The following ZBTB25 variants were observed in gnomAD, a reference collection of about 807,000 sequenced individuals.
ZBTB25 encodes zinc finger and BTB domain-containing protein 25.
Under a neutral mutation model 34.2 loss-of-function variants are expected in ZBTB25, and 20 were observed. That is an observed-to-expected ratio of 0.58 (90% CI 0.41 to 0.85). ZBTB25 has a LOEUF of 0.85. Among genes scored for constraint, ZBTB25 ranks in the 40% least tolerant of loss-of-function variants. The pLI is 0.00. For synonymous variants in ZBTB25, 175 were observed against 186.4 expected (o/e 0.94, Z 0.50); for missense variants, 437 against 521.8 (o/e 0.84, Z 1.58).
chr14:64,502,345 T>G (rs997965219), intron 1 of ZBTB25, among the ~76,000 whole-genome samples: 6 of 152,218 alleles, frequency 3.9e-5, no homozygotes, highest in African/African-American at 1.4e-4. Context: ...CTGTTCCATG[T>G]CATATCCCAT....
rs556550108 is a variant in ZBTB25 at position 64,486,758 on chromosome 14, T to G, written c.*165A>C. On this transcript the variant is annotated 3_prime_UTR_variant, in exon 3 of 3. Transcript: ENST00000608382. Reference sequence around the variant, plus strand: ...ATGTTACATTTTAATAGCCACATATTAATATGTCTTATGAGAAGATCTAAT... The same window carrying G: ...ATGTTACATTTTAATAGCCACATATGAATATGTCTTATGAGAAGATCTAAT... 7.7e-7 allele frequency: 1 copy of G among 1,296,458 alleles called. No individual in the cohort carries two copies. Among genetic ancestry groups the G allele is most frequent in the Admixed American group, 3.7e-5 (1 of 27,344 alleles). 80.3% of individuals were successfully genotyped at this position (1,296,458 alleles called of 1,614,324 possible). A position where few individuals can be genotyped will look rare whatever the true frequency, so the allele number is the denominator to read the frequency against.
At chr14:64,454,566 TAATA>T (rs1390870108) in intron 2 of ZBTB25, among the ~76,000 whole-genome samples, 2 of 151,814 alleles carry the variant, frequency 1.3e-5, no homozygotes, top group African/African-American at 2.4e-5. Flanking sequence ...TTTTTTGGCT[TAATA>T]AATAAGCTGG....
chr14:64,458,230 G>C (rs2078506489), intron 2 of ZBTB25: 1 of 1,612,458 alleles, frequency 6.2e-7, no homozygotes, highest in Admixed American at 1.7e-5. Context: ...ACAATGCCTG[G>C]ACTCCCCACC....
intron 2 of ZBTB25, among the ~76,000 whole-genome samples, chr14:64,457,139 A>G (rs2078487337): frequency 6.6e-6 from 1 of 152,234 alleles, no homozygotes; most frequent in African/African-American, 2.4e-5. Flanking sequence ...CATCTAGATT[A>G]TGTACAAAAG....
intron 1 of ZBTB25, among the ~76,000 whole-genome samples, chr14:64,498,348 C>A (rs1359880218): frequency 6.6e-6 from 1 of 151,638 alleles, no homozygotes; most frequent in Non-Finnish European, 1.5e-5. Context: ...CTCTGTCGCC[C>A]AGGCTGCAGG....
intron 2 of ZBTB25, chr14:64,453,912 G>T: frequency 8.5e-7 from 1 of 1,182,384 alleles, no homozygotes; most frequent in South Asian, 1.3e-5. Context: ...GCAGGACTTG[G>T]AGTCACAATC....
At chr14:64,474,908 G>C (rs570367658), downstream of ZBTB25, among the ~76,000 whole-genome samples, 4 of 152,270 alleles carry the variant, frequency 2.6e-5, no homozygotes, top group Non-Finnish European at 5.9e-5. Context: ...AAAAAGTTCT[G>C]TGTTTACTAA....
intron 2 of ZBTB25, among the ~76,000 whole-genome samples, chr14:64,488,856 G>T (rs1003546413): frequency 6.6e-6 from 1 of 152,122 alleles, no homozygotes; most frequent in African/African-American, 2.4e-5. Context: ...TTGCGAATGT[G>T]ATTATCACCA....
At position 64,482,878 on chromosome 14, in the gene ZBTB25, C is replaced by T. The variant is rs1385457518; in HGVS notation, c.*4045G>A. On this transcript the variant is annotated 3_prime_UTR_variant, in exon 3 of 3. Coordinates refer to ENST00000608382, the MANE Select transcript of ZBTB25 (RefSeq NM_006977.5). ...ACACGTTTAATATAAATCCTCACAA[C>T]ACCCCTGTGAGGTAAGTATTGCTTA... The T allele has an allele frequency of 6.6e-6, 1 of 152,188 alleles. No individual in the cohort carries two copies. The highest frequency in any genetic ancestry group is 1.5e-5 in the Non-Finnish European group (1 of 68,036). The allele number at this position is 152,188 out of a possible 1,614,324, so 9.4% of individuals were successfully genotyped here.
At chr14:64,459,369 T>C (rs1371579829) in intron 2 of ZBTB25, among the ~76,000 whole-genome samples, 3 of 152,044 alleles carry the variant, frequency 2.0e-5, no homozygotes, top group Non-Finnish European at 4.4e-5. Flanking sequence ...TGAGAAAAAC[T>C]AGAAAAAGCT....
At chr14:64,470,712 A>G (rs916742518) in intron 2 of ZBTB25, 7 of 166,976 alleles carry the variant, frequency 4.2e-5, no homozygotes, top group East Asian at 1.9e-4. Context: ...TTCTGCCTCA[A>G]CAGATCTGTA....
rs76409166 is a variant in ZBTB25 at position 64,503,106 on chromosome 14, G to A, written c.-8+555C>T. The A allele has an allele frequency of 5.6e-4, 554 of 985,508 alleles. 8 individuals are homozygous for A. In the East Asian group the frequency reaches 0.036, roughly 63 times the overall value. The allele number at this position is 985,508 out of a possible 1,614,324, so 61.0% of individuals were successfully genotyped here. ...ACTCCAAATACTGAGTGCCAGAGAAGACGGTGATAAGATGGGTCAAGCTTC... is the reference window on the plus strand; with the variant it reads ...ACTCCAAATACTGAGTGCCAGAGAAAACGGTGATAAGATGGGTCAAGCTTC... On this transcript the variant is annotated intron_variant, in intron 1 of 2. Coordinates refer to ENST00000608382, the MANE Select transcript of ZBTB25 (RefSeq NM_006977.5).
chr14:64,489,883 A>G (rs1277030543), intron 2 of ZBTB25, among the ~76,000 whole-genome samples: 1 of 151,358 alleles, frequency 6.6e-6, no homozygotes, highest in African/African-American at 2.4e-5. Flanking sequence ...TGGATCCTAC[A>G]CACTGAGTTT....
At chr14:64,496,720 G>C (rs1278188434) in intron 1 of ZBTB25, among the ~76,000 whole-genome samples, 2 of 152,044 alleles carry the variant, frequency 1.3e-5, no homozygotes, top group Non-Finnish European at 2.9e-5. Flanking sequence ...GATACAGCTG[G>C]ACTCTCTTAT....
intron 1 of ZBTB25, among the ~76,000 whole-genome samples, chr14:64,492,309 C>T (rs1346909195): frequency 3.3e-5 from 5 of 151,726 alleles, no homozygotes; most frequent in South Asian, 2.1e-4. Context: ...TGGGTTTAAG[C>T]GATTCTCCTG....
chr14:64,458,555 GA>G (rs1490758794), intron 2 of ZBTB25: 1 of 518,834 alleles, frequency 1.9e-6, no homozygotes, highest in African/African-American at 1.9e-5. Flanking sequence ...GTGTAGGGGA[GA>G]AAACTGCTGT....
chr14:64,469,098 C>A (rs758946070), intron 2 of ZBTB25: 2 of 1,613,796 alleles, frequency 1.2e-6, no homozygotes, highest in Non-Finnish European at 1.7e-6. Flanking sequence ...GAAATTGAAA[C>A]GATCAAGGAA....
chr14:64,497,229 T>G (rs1353356700), intron 1 of ZBTB25, among the ~76,000 whole-genome samples: 1 of 152,166 alleles, frequency 6.6e-6, no homozygotes, highest in Non-Finnish European at 1.5e-5. Flanking sequence ...TAGGAGATCT[T>G]TGATGTTGTA....
At chr14:64,490,564 G>A (rs761204380) in intron 1 of ZBTB25, 24 bp from the exon 2 acceptor site, 2 of 1,586,254 alleles carry the variant, frequency 1.3e-6, no homozygotes, top group Non-Finnish European at 1.7e-6. Flanking sequence ...CAAGATAAAT[G>A]TAGATAGGTG....
Sources: allele counts gnomAD v4.1 joint callset (sites outside exome capture counted in the v4.1 genomes callset), GRCh38; gene constraint gnomAD v4.1.1; transcripts MANE v1.5; gene names NCBI Gene and HGNC (gene_info 2026-07-23, HGNC 2026-07-21).